The following CROCC variants were observed in gnomAD, a reference collection of about 807,000 sequenced individuals.
The protein encoded by CROCC is rootletin.
Under a neutral mutation model 245.2 loss-of-function variants are expected in CROCC, and 180 were observed. The ratio of observed to expected loss-of-function variants is 0.73; its 90% CI spans 0.65 to 0.83. The LOEUF is 0.83. Ranked by LOEUF, CROCC falls within the 40% of genes least tolerant of loss-of-function variation. The pLI is 0.00. For missense variants in CROCC, 2,688 were observed against 2,779.4 expected (o/e 0.97, Z 0.74); for synonymous variants, 1,205 against 1,241.6 (o/e 0.97, Z 0.62).
At chr1:16,968,782 C>T (rs1446077236) in intron 31 of CROCC, among the ~76,000 whole-genome samples, 2 of 152,134 alleles carry the variant, frequency 1.3e-5, no homozygotes, top group Non-Finnish European at 2.9e-5. Flanking sequence ...CCAACAAGGT[C>T]AAAAATAAAA....
chr1:16,960,816 G>C lies in CROCC; in HGVS notation c.4091G>C (p.Arg1364Pro). The stretch of plus-strand genomic sequence containing the variant: ...GAAGGCGAGTTCCGGACCCGCGAGC[G>C]ACGCCTGCTGGGCTCCCTGGAGGAG... ...EQEGEFRTRE[R>P]RLLGSLEEAR... is the part of the protein sequence containing the mutation. Residue 1364 changes from arginine (R) to proline (P), a missense_variant, in exon 27 of 37, where the codon CGA (arginine) becomes CCA (proline). By Grantham distance (103) the Arg-to-Pro change is moderately radical. Around this residue, in one of 9 missense-constraint regions of CROCC, gnomAD observed 1,218 missense variants for 1,286.3 expected, o/e 0.95. Transcript: ENST00000375541. The C allele has an allele frequency of 6.6e-7, 1 of 1,519,906 alleles. No homozygotes were observed. 94.2% of individuals were successfully genotyped at this position (1,519,906 alleles called of 1,614,324 possible). A position where few individuals can be genotyped will look rare whatever the true frequency, so the allele number is the denominator to read the frequency against.
chr1:16,955,405 AGCCAGGAGG>A lies in CROCC; in HGVS notation c.3563_3571del (p.Gln1188_Gly1190del), dbSNP rs764651806. ...GGAGGCCCAGCGCAAGCTGCGTGAG[AGCCAGGAGG>A]GCCGGGAGGTGCAGCGCCAGGAGGC... On this transcript the variant is annotated inframe_deletion, in exon 24 of 37. Coordinates refer to ENST00000375541, the MANE Select transcript of CROCC (RefSeq NM_014675.5). 1.2e-6 allele frequency: 2 copies of A among 1,604,322 alleles called. No homozygotes were observed. The highest frequency in any genetic ancestry group is 2.2e-5 in the South Asian group (2 of 90,772).
At chr1:16,953,087 T>G in intron 20 of CROCC, 5 of 559,262 alleles carry the variant, frequency 8.9e-6, no homozygotes, top group Non-Finnish European at 1.6e-5. Context: ...CAGGGGACCA[T>G]GTTCGGACCC....
intron 11 of CROCC, 151 bp from the exon 12 acceptor site, chr1:16,938,758 A>C: frequency 1.2e-6 from 1 of 838,016 alleles, no homozygotes; most frequent in African/African-American, 1.7e-5. Flanking sequence ...CCGAGGACTG[A>C]GCTAGTGGAG....
chr1:16,942,447 C>T (rs533473627), intron 13 of CROCC, among the ~76,000 whole-genome samples: 1 of 152,402 alleles, frequency 6.6e-6, no homozygotes, highest in South Asian at 2.1e-4. Flanking sequence ...TTCTCACAGC[C>T]TCATCTGCCC....
At chr1:16,961,677 C>T (rs2076336865) in intron 27 of CROCC, among the ~76,000 whole-genome samples, 2 of 152,098 alleles carry the variant, frequency 1.3e-5, no homozygotes, top group South Asian at 2.1e-4. Flanking sequence ...GATCTTGGCT[C>T]CCTCTGCCTT....
At position 16,972,436 on chromosome 1, in the gene CROCC, C is replaced by G; in HGVS notation, c.6044C>G (p.Pro2015Arg). The change falls in exon 37 of 37, where the codon CCA becomes CGA. Residue 2015 changes from proline to arginine, a missense_variant. Coordinates refer to ENST00000375541, the MANE Select transcript of CROCC (RefSeq NM_014675.5). ...SAPFSPPSGP[P>R]EK ...CCCTTCTCCCCACCCTCCGGCCCCC[C>G]AGAGAAATGAGCTCCTGCTGGCATC... 1 of 1,612,560 alleles carries G rather than the reference C, an allele frequency of 6.2e-7. No homozygotes were observed. Among genetic ancestry groups the G allele is most frequent in the Non-Finnish European group, 8.5e-7 (1 of 1,179,260 alleles).
chr1:16,969,827 A>G lies in CROCC; in HGVS notation c.5344A>G (p.Lys1782Glu). The change falls in exon 33 of 37, where the codon AAG (lysine) becomes GAG (glutamate). Residue 1782 changes from lysine to glutamate, a missense_variant. By Grantham distance (56) the Lys-to-Glu change is moderately conservative. Coordinates refer to ENST00000375541, the MANE Select transcript of CROCC (RefSeq NM_014675.5). ...AARQALSEAR[K>E]QSSSLGEQVQ... ...CCGGCAGGCATTATCTGAGGCACGGAAGCAGAGCAGCTCCCTGGGCGAGCA... is the reference window on the plus strand; with the variant it reads ...CCGGCAGGCATTATCTGAGGCACGGGAGCAGAGCAGCTCCCTGGGCGAGCA... 6.2e-7 allele frequency: 1 copy of G among 1,613,334 alleles called. No individual in the cohort carries two copies. The highest frequency in any genetic ancestry group is 8.5e-7 in the Non-Finnish European group (1 of 1,179,740).
Position 16,922,547 on chromosome 1 carries a change from C to T in CROCC, c.61-116C>T, listed in dbSNP as rs2075430914. 1.3e-5 allele frequency: 18 copies of T among 1,414,132 alleles called. No individual in the cohort carries two copies. The Middle Eastern group carries it at 5.5e-4, about 43-fold the overall frequency. 87.6% of individuals were successfully genotyped at this position (1,414,132 alleles called of 1,614,324 possible). A position where few individuals can be genotyped will look rare whatever the true frequency, so the allele number is the denominator to read the frequency against. ...TTCTAACTCCCAGGCTTCACTCCAT[C>T]TTGAGGGGGCTCCTGGGGACCTGTA... On this transcript the variant is annotated intron_variant, in intron 1 of 36. Transcript: ENST00000375541.
In CROCC at chr1:16,969,169, G is replaced by A. The variant is rs372784937; in HGVS notation, c.5130G>A (p.Leu1710=). 5.0e-5 allele frequency: 80 copies of A among 1,610,820 alleles called. No individual in the cohort carries two copies. The highest frequency in any genetic ancestry group is 6.0e-5 in the Non-Finnish European group (71 of 1,178,850). Residue 1710 remains leucine (L), a synonymous_variant, in exon 32 of 37, where the codon CTG becomes CTA. Transcript: ENST00000375541. ...CCCTGCAGCTGACCGTGGAGCGGCTGAATGGGGCCCTGGCTAAGGTGGAGG... is the reference window on the plus strand; with the variant it reads ...CCCTGCAGCTGACCGTGGAGCGGCTAAATGGGGCCCTGGCTAAGGTGGAGG... The part of the protein sequence containing the change: ...AGTLQLTVER[L]NGALAKVEES...
At chr1:16,915,767 A>C (rs1394399841) in intron 1 of CROCC, among the ~76,000 whole-genome samples, 1 of 152,260 alleles carries the variant, frequency 6.6e-6, no homozygotes, top group Admixed American at 6.5e-5. Flanking sequence ...TTGAGCCAAA[A>C]TCTGGCCGAC....
chr1:16,969,561 TGGG>T (rs1052140846), intron 32 of CROCC, among the ~76,000 whole-genome samples: 1 of 152,112 alleles, frequency 6.6e-6, no homozygotes, highest in African/African-American at 2.4e-5. Flanking sequence ...GGTATAGACT[TGGG>T]GGGACCCAGG....
chr1:16,930,666 A>C, intron 7 of CROCC, 72 bp downstream of exon 7: 1 of 1,433,828 alleles, frequency 7.0e-7, no homozygotes, highest in African/African-American at 1.4e-5. Context: ...GAGGACTCAG[A>C]AGCCTGGAGA....
rs1339963109 is a variant in CROCC, at chr1:16,948,330, G to A, written c.2515-1G>A. 1.3e-6 allele frequency: 2 copies of A among 1,561,146 alleles called. No homozygotes were observed. The highest frequency in any genetic ancestry group is 2.7e-5 in the African/African-American group (2 of 74,314). ...CTACTCAGTCTCTGGGTGGGGGCCA[G>A]CTCTCCCGGCAGCTGAGCGGGCGGG... On this transcript the variant is annotated splice_acceptor_variant, in intron 17 of 36. Transcript: ENST00000375541. LOFTEE classifies it high-confidence loss of function.
Position 16,970,655 on chromosome 1 carries a change from G to A in CROCC, c.5672G>A (p.Arg1891His), listed in dbSNP as rs373667782. ...GCCTAGGTGGAGCGGGAGAAGCTTC[G>A]TAGCCATGAGGACACAGTGCGGCTG... ...TLDKVEREKL[R>H]SHEDTVRLSA... The change falls in exon 35 of 37, where the codon CGT becomes CAT. Residue 1891 changes from arginine to histidine, a missense_variant. Arg to His is a conservative substitution (Grantham distance 29, BLOSUM62 0). Around this residue, in one of 9 missense-constraint regions of CROCC, gnomAD observed 1,218 missense variants for 1,286.3 expected, o/e 0.95. Coordinates refer to ENST00000375541, the MANE Select transcript of CROCC (RefSeq NM_014675.5). The A allele has an allele frequency of 2.1e-5, 33 of 1,563,396 alleles. No homozygotes were observed. In the African/African-American group the frequency reaches 3.8e-4, roughly 18 times the overall value.
Position 16,967,970 on chromosome 1 carries a change from A to G in CROCC, c.4861-233A>G, listed in dbSNP as rs78367331. ...GCGCGAAGGGGCAGTCCTGGGTTCCACAGCCCATTGGCCTGGGCTAAAACT... is the reference window on the plus strand; with the variant it reads ...GCGCGAAGGGGCAGTCCTGGGTTCCGCAGCCCATTGGCCTGGGCTAAAACT... On this transcript the variant is annotated intron_variant, in intron 30 of 36. Transcript: ENST00000375541. 3.2e-3 allele frequency among the ~76,000 whole-genome samples: 493 copies of G among 152,256 alleles called. 17 individuals are homozygous for G. The East Asian group carries it at 0.057, about 18-fold the overall frequency.
intron 13 of CROCC, among the ~76,000 whole-genome samples, chr1:16,943,687 G>A (rs1452391502): frequency 6.6e-6 from 1 of 152,282 alleles, no homozygotes; most frequent in African/African-American, 2.4e-5. Context: ...CTGTGTAGCA[G>A]GAAGCTGTGG....
At chr1:16,919,054 C>T (rs2075349952), upstream of CROCC, among the ~76,000 whole-genome samples, 1 of 152,288 alleles carries the variant, frequency 6.6e-6, no homozygotes, top group Admixed American at 6.5e-5. Flanking sequence ...TTTAGTTTTG[C>T]CCAAATCTGG....
chr1:16,928,901 A>G (rs2075599093), intron 3 of CROCC, among the ~76,000 whole-genome samples: 2 of 152,294 alleles, frequency 1.3e-5, no homozygotes, highest in Middle Eastern at 6.8e-3. Context: ...ATCTCGGCTC[A>G]CTGCAACCTC....
Sources: gnomAD v4.1 joint callset for allele counts (sites outside exome capture counted in the v4.1 genomes callset) on GRCh38, gnomAD v4.1.1 for gene constraint, gnomAD v4.1.1 regional missense constraint, MANE v1.5 for transcripts, NCBI Gene and HGNC (gene_info 2026-07-23, HGNC 2026-07-21) for gene names.